Variants in DAZAP1 observed in about 807,000 individuals in gnomAD.
DAZAP1 encodes the protein DAZ associated protein 1.
DAZAP1 carries 6 observed loss-of-function variants against 60.1 expected under a neutral mutation model. The observed-to-expected ratio is 0.10, with a 90% CI of 0.05 to 0.20. The LOEUF (loss-of-function observed/expected upper bound fraction) is 0.20. Among genes scored for constraint, DAZAP1 ranks in the 10% least tolerant of loss-of-function variants. DAZAP1 has a pLI of 1.00. For missense variants in DAZAP1, 366 were observed against 560.4 expected, an observed-to-expected ratio of 0.65 and a Z score of 3.50; for synonymous variants, 235 against 215.9, an observed-to-expected ratio of 1.09 and a Z score of -0.78.
chr19:1,410,009 A>C (rs1358237631), intron 1 of DAZAP1: 2 of 152,282 alleles, frequency 1.3e-5, no homozygotes, highest in Non-Finnish European at 1.5e-5. Context: ...GGAGACTTGG[A>C]GCTTGGGAGC....
At position 1,425,186 on chromosome 19, in the gene DAZAP1, G is replaced by C. The variant is rs140456705; in HGVS notation, c.464-692G>C. Among the ~76,000 whole-genome samples, 1 of 152,172 alleles carries C rather than the reference G, an allele frequency of 6.6e-6. No homozygotes were observed. The highest frequency in any genetic ancestry group is 1.5e-5 in the Non-Finnish European group (1 of 68,030). On this transcript the variant is annotated intron_variant, in intron 6 of 11. Coordinates refer to ENST00000233078, the MANE Select transcript of DAZAP1 (RefSeq NM_018959.4). This position sits in a 1 kb window ranked among gnomAD's most constrained non-coding sequence, Gnocchi z 5.4. ...GTATAGAACATGCATAGATGTCTAC[G>C]ATATGACCTCTTCTAGGACTCCTTG...
Position 1,422,502 on chromosome 19 carries a change from C to T in DAZAP1, c.463+106C>T. On this transcript the variant is annotated intron_variant, in intron 6 of 11. Coordinates refer to ENST00000233078, the MANE Select transcript of DAZAP1 (RefSeq NM_018959.4). The surrounding 1 kb of genome is among the most constrained non-coding windows in gnomAD (Gnocchi z 4.5). ...ACAGGTGGCGGCTGTAGCAAACAGC[C>T]TCAGGAAGGGACGATTTGGAGACAA... 3 of 1,052,848 alleles carry T rather than the reference C, an allele frequency of 2.8e-6. No individual in the cohort carries two copies. The highest frequency in any genetic ancestry group is 2.5e-5 in the East Asian group (1 of 39,624). 65.2% of individuals were successfully genotyped at this position (1,052,848 alleles called of 1,614,324 possible). A position where few individuals can be genotyped will look rare whatever the true frequency, so the allele number is the denominator to read the frequency against.
chr19:1,431,665 C>T (rs893575529), intron 10 of DAZAP1, among the ~76,000 whole-genome samples: 3 of 152,190 alleles, frequency 2.0e-5, no homozygotes, highest in Non-Finnish European at 4.4e-5. Flanking sequence ...CTGACCTCAG[C>T]GCATCCAGAA....
intron 4 of DAZAP1, among the ~76,000 whole-genome samples, chr19:1,419,388 C>G (rs1298301318): frequency 6.6e-6 from 1 of 152,236 alleles, no homozygotes; most frequent in African/African-American, 2.4e-5. Context: ...GTGCCAGCCT[C>G]TCCACAGTGT....
At chr19:1,421,339 G>A (rs935126283) in intron 5 of DAZAP1, 81 bp downstream of exon 5, 27 of 1,285,350 alleles carry the variant, frequency 2.1e-5, no homozygotes, top group Admixed American at 1.7e-4. Context: ...GGCTGGAGTG[G>A]CCGAGCCACA....
chr19:1,432,246 A>T lies in DAZAP1; in HGVS notation c.872-268A>T, dbSNP rs901622217. The T allele has an allele frequency of 2.1e-5, 11 of 531,412 alleles. No individual in the cohort carries two copies. The African/African-American group carries it at 2.1e-4, about 10-fold the overall frequency. The allele number at this position is 531,412 out of a possible 1,614,324, so 32.9% of individuals were successfully genotyped here. ...CTCCTTGAGTTCTTGTCTGAGGCCCACCTGGCGGCTGCTCCGTGAGGAACG... is the reference window on the plus strand; with the variant it reads ...CTCCTTGAGTTCTTGTCTGAGGCCCTCCTGGCGGCTGCTCCGTGAGGAACG... On this transcript the variant is annotated intron_variant, in intron 10 of 11. Transcript: ENST00000233078. The surrounding 1 kb of genome is among the most constrained non-coding windows in gnomAD (Gnocchi z 4.9).
chr19:1,410,250 G>C (rs1173686671), intron 1 of DAZAP1, among the ~76,000 whole-genome samples: 1 of 152,204 alleles, frequency 6.6e-6, no homozygotes, highest in East Asian at 1.9e-4. Flanking sequence ...CCGACTTCCA[G>C]TCAGCTTGAG....
At position 1,431,992 on chromosome 19, in the gene DAZAP1, C is replaced by T. The variant is rs555082086; in HGVS notation, c.872-522C>T. 23 of 167,210 alleles carry T rather than the reference C, an allele frequency of 1.4e-4. No individual in the cohort carries two copies. In the South Asian group the frequency reaches 3.1e-3, roughly 23 times the overall value. The allele number at this position is 167,210 out of a possible 1,614,324, so 10.4% of individuals were successfully genotyped here. A position where few individuals can be genotyped will look rare whatever the true frequency, so the allele number is the denominator to read the frequency against. On this transcript the variant is annotated intron_variant, in intron 10 of 11. Coordinates refer to ENST00000233078, the MANE Select transcript of DAZAP1 (RefSeq NM_018959.4). ...TCTGGCCTGGATCAGGCTCTGCACA[C>T]GGAGGCCTGTGGGCCAGATGACTGA...
At chr19:1,408,914 G>C (rs1656893857) in intron 1 of DAZAP1, among the ~76,000 whole-genome samples, 1 of 152,090 alleles carries the variant, frequency 6.6e-6, no homozygotes, top group Non-Finnish European at 1.5e-5. Context: ...TAAATTTCTC[G>C]GTGCCCTTAG....
chr19:1,419,792 T>A (rs2083094312), intron 4 of DAZAP1, among the ~76,000 whole-genome samples: 1 of 150,928 alleles, frequency 6.6e-6, no homozygotes, highest in African/African-American at 2.4e-5. Context: ...ACGCACACAC[T>A]CATGAAACCA....
In DAZAP1 at chr19:1,430,075, G is replaced by A. The variant is rs529823613; in HGVS notation, c.730+79G>A. On this transcript the variant is annotated intron_variant, in intron 9 of 11. Transcript: ENST00000233078. ...ACTCGCCAGGTGTCCTGGGGCAGCC[G>A]GCAAAGCCTGGTTCCCGTGTCCTGA... 31 of 1,579,202 alleles carry A rather than the reference G, an allele frequency of 2.0e-5. No homozygotes were observed. The East Asian group carries it at 3.9e-4, about 20-fold the overall frequency.
Position 1,419,889 on chromosome 19 carries a change from C to T in DAZAP1, c.303+1158C>T, listed in dbSNP as rs533886136. ...GTCACGGCAGCGAGCACTCACCCCA[C>T]GCACACACTCATGAAACCATCCCGA... On this transcript the variant is annotated intron_variant, in intron 4 of 11. Transcript: ENST00000233078. 1.2e-4 allele frequency among the ~76,000 whole-genome samples: 17 copies of T among 137,072 alleles called. No homozygotes were observed. The East Asian group carries it at 3.2e-3, about 26-fold the overall frequency. 89.9% of individuals were successfully genotyped at this position (137,072 alleles called of 152,430 possible).
rs920173259 is a variant in DAZAP1 at position 1,435,566 on chromosome 19, C to T, written c.*654C>T. 12 of 152,302 alleles carry T rather than the reference C, an allele frequency of 7.9e-5. No individual in the cohort carries two copies. The highest frequency in any genetic ancestry group is 1.3e-4 in the Non-Finnish European group (9 of 68,064). 9.4% of individuals were successfully genotyped at this position (152,302 alleles called of 1,614,324 possible). A position where few individuals can be genotyped will look rare whatever the true frequency, so the allele number is the denominator to read the frequency against. On this transcript the variant is annotated 3_prime_UTR_variant, in exon 12 of 12. Coordinates refer to ENST00000233078, the MANE Select transcript of DAZAP1 (RefSeq NM_018959.4). ...CGCACAGCCAGCCGCGTGGATCCCA[C>T]GCAGCGCTGAACCGAACCGAGTAGG...
At chr19:1,420,979 G>A (rs185305391) in intron 4 of DAZAP1, among the ~76,000 whole-genome samples, 169 bp from the exon 5 acceptor site, 169 of 152,340 alleles carry the variant, frequency 1.1e-3, no homozygotes, top group South Asian at 8.5e-3. Flanking sequence ...GTGAGAAAGT[G>A]TCTCAGCAGA....
At position 1,433,591 on chromosome 19, in the gene DAZAP1, T is replaced by G; in HGVS notation, c.1048+901T>G. On this transcript the variant is annotated intron_variant, in intron 11 of 11. Coordinates refer to ENST00000233078, the MANE Select transcript of DAZAP1 (RefSeq NM_018959.4). This position sits in a 1 kb window ranked among gnomAD's most constrained non-coding sequence, Gnocchi z 6.1. ...CCTTGGGCCGAGGTTGCCGCATGTG[T>G]GGGTTCTTGACCCACTCACCACCAA... 1 of 639,292 alleles carries G rather than the reference T, an allele frequency of 1.6e-6. No individual in the cohort carries two copies. Among genetic ancestry groups the G allele is most frequent in the Non-Finnish European group, 2.7e-6 (1 of 364,790 alleles). The allele number at this position is 639,292 out of a possible 1,614,324, so 39.6% of individuals were successfully genotyped here.
At position 1,426,175 on chromosome 19, in the gene DAZAP1, T is replaced by C. The variant is rs2083300093; in HGVS notation, c.546+215T>C. On this transcript the variant is annotated intron_variant, in intron 7 of 11. Coordinates refer to ENST00000233078, the MANE Select transcript of DAZAP1 (RefSeq NM_018959.4). The surrounding 1 kb of genome is among the most constrained non-coding windows in gnomAD (Gnocchi z 5.4). ...CGGGGTGGGGATCTCTCAGCTTTGC[T>C]CCTGGAGCCCCTCCCTCTGGGTGAC... Among the ~76,000 whole-genome samples the C allele has an allele frequency of 6.6e-6, 1 of 152,144 alleles. No individual in the cohort carries two copies. The highest frequency in any genetic ancestry group is 6.5e-5 in the Admixed American group (1 of 15,274).
At chr19:1,417,602 G>T in intron 2 of DAZAP1, 62 bp downstream of exon 2, 1 of 1,466,404 alleles carries the variant, frequency 6.8e-7, no homozygotes, top group Non-Finnish European at 9.3e-7. Context: ...CGGCCTTCAA[G>T]TTGTGTCTGC....
At chr19:1,421,522 G>GT (rs1329251116) in intron 5 of DAZAP1, among the ~76,000 whole-genome samples, 3 of 152,398 alleles carry the variant, frequency 2.0e-5, no homozygotes, top group South Asian at 2.1e-4. Context: ...CGATTCCATT[G>GT]TGAACACCGT....
rs1438128111 is a variant in DAZAP1 at position 1,434,679 on chromosome 19, C to T, written c.1049-58C>T. 1.6e-5 allele frequency: 25 copies of T among 1,588,764 alleles called. No homozygotes were observed. The highest frequency in any genetic ancestry group is 3.4e-5 in the South Asian group (3 of 89,408). ...GGAGCTGTGTCCAGGTGGCCTCGCT[C>T]GACGGCAGTGCCAACCGCCCAGGGA... On this transcript the variant is annotated intron_variant, in intron 11 of 11. Transcript: ENST00000233078. This position sits in a 1 kb window ranked among gnomAD's most constrained non-coding sequence, Gnocchi z 8.0.
Sources: allele counts gnomAD v4.1 joint callset (sites outside exome capture counted in the v4.1 genomes callset), GRCh38; gene constraint gnomAD v4.1.1; non-coding constraint Gnocchi (gnomAD v3.1); transcripts MANE v1.5; gene names NCBI Gene and HGNC (gene_info 2026-07-23, HGNC 2026-07-21).